The following DOCK2 variants were observed in gnomAD, a reference collection of about 807,000 sequenced individuals.
DOCK2 encodes the protein dedicator of cytokinesis protein 2.
In DOCK2, 87 loss-of-function variants were observed where a neutral mutation model predicts 248.9. The observed-to-expected ratio is 0.35, with a 90% CI of 0.29 to 0.42. The LOEUF is 0.42. Among genes scored for constraint, DOCK2 ranks in the 10% least tolerant of loss-of-function variants. The pLI, the probability that DOCK2 is intolerant of heterozygous loss-of-function variation, is 1.00. For missense variants in DOCK2, 1,747 were observed against 2,300.2 expected (o/e 0.76, Z 4.92); for synonymous variants, 805 against 821.6 (o/e 0.98, Z 0.35).
intron 26 of DOCK2, among the ~76,000 whole-genome samples, chr5:169,838,117 T>G (rs1006246045): frequency 1.4e-4 from 21 of 151,970 alleles, no homozygotes; most frequent in Non-Finnish European, 2.8e-4. Context: ...AGAGAAAAGA[T>G]CAAAAGTCAC....
intron 27 of DOCK2, among the ~76,000 whole-genome samples, chr5:169,917,224 C>A (rs560416381): frequency 6.6e-6 from 1 of 152,318 alleles, no homozygotes; most frequent in Admixed American, 6.5e-5. Context: ...GTCATTCTCA[C>A]TAGGGTTGAT....
At chr5:169,709,887 G>A (rs1761482024) in intron 15 of DOCK2, among the ~76,000 whole-genome samples, 1 of 152,198 alleles carries the variant, frequency 6.6e-6, no homozygotes, top group African/African-American at 2.4e-5. Flanking sequence ...TAAGAATGCA[G>A]AGCACGTCCC....
At chr5:169,909,289 T>A (rs1430604596) in intron 27 of DOCK2, among the ~76,000 whole-genome samples, 1 of 152,224 alleles carries the variant, frequency 6.6e-6, no homozygotes, top group Non-Finnish European at 1.5e-5. Flanking sequence ...AATAGCCCAG[T>A]GTTGCTGGTG....
rs1773032807 is a variant in DOCK2, at chr5:169,887,376, A to T, written c.2799+46524A>T. Among the ~76,000 whole-genome samples, 3 of 152,340 alleles carry T rather than the reference A, an allele frequency of 2.0e-5. No individual in the cohort carries two copies. In the South Asian group the frequency reaches 6.2e-4, roughly 32 times the overall value. The stretch of plus-strand genomic sequence containing the variant: ...CAAATAAACAACAAAAGGAAGAAAA[A>T]AATCACCTGAAATCTTACCACCCAG... On this transcript the variant is annotated intron_variant, in intron 27 of 51. Coordinates refer to ENST00000520908, the MANE Select transcript of DOCK2 (RefSeq NM_004946.3).
At chr5:169,829,811 G>A (rs544419932) in intron 26 of DOCK2, among the ~76,000 whole-genome samples, 1 of 152,240 alleles carries the variant, frequency 6.6e-6, no homozygotes, top group East Asian at 1.9e-4. Flanking sequence ...ATGAAATGGG[G>A]CCTTCAAAAG....
intron 27 of DOCK2, among the ~76,000 whole-genome samples, chr5:169,914,768 C>T (rs1000844639): frequency 1.3e-5 from 2 of 152,178 alleles, no homozygotes; most frequent in African/African-American, 4.8e-5. Flanking sequence ...CCACCTTTGC[C>T]TCAACCATGC....
At chr5:169,810,042 A>C (rs1174679974) in intron 26 of DOCK2, among the ~76,000 whole-genome samples, 2 of 152,050 alleles carry the variant, frequency 1.3e-5, no homozygotes, top group African/African-American at 4.8e-5. Flanking sequence ...CTATGAGGAG[A>C]GAGATCTTGC....
intron 27 of DOCK2, chr5:169,980,163 C>G (rs756871519): frequency 1.6e-4 from 25 of 152,294 alleles, no homozygotes; most frequent in Admixed American, 1.1e-3. Context: ...AGCTCCCAGT[C>G]TCACTGTTGA....
chr5:169,829,573 C>T (rs1040882405), intron 26 of DOCK2, among the ~76,000 whole-genome samples: 1 of 152,208 alleles, frequency 6.6e-6, no homozygotes, highest in Non-Finnish European at 1.5e-5. Flanking sequence ...TGAAAGTTTA[C>T]ACGTTAGGAC....
chr5:169,723,756 C>G (rs369370471), intron 22 of DOCK2, among the ~76,000 whole-genome samples: 91 of 152,282 alleles, frequency 6.0e-4, no homozygotes, highest in African/African-American at 2.1e-3. Context: ...CCGAGCACTG[C>G]TGATTTCTCT....
intron 22 of DOCK2, among the ~76,000 whole-genome samples, chr5:169,743,942 T>G (rs534705248): frequency 2.0e-5 from 3 of 149,808 alleles, no homozygotes; most frequent in Non-Finnish European, 4.4e-5. Flanking sequence ...TATATATATA[T>G]ATGTACTTTT....
chr5:170,065,294 G>GA (rs1757452761), intron 44 of DOCK2, among the ~76,000 whole-genome samples: 1 of 151,954 alleles, frequency 6.6e-6, no homozygotes, highest in African/African-American at 2.4e-5. Flanking sequence ...TATCACTACA[G>GA]AAAGCCATCA....
chr5:169,712,379 G>A (rs1215948525), intron 17 of DOCK2, among the ~76,000 whole-genome samples, 156 bp downstream of exon 17: 1 of 152,142 alleles, frequency 6.6e-6, no homozygotes, highest in Admixed American at 6.5e-5. Flanking sequence ...ACTTCTCTGG[G>A]CCTCTGTTTC....
At chr5:169,967,620 T>C (rs1777350327) in intron 27 of DOCK2, among the ~76,000 whole-genome samples, 1 of 152,094 alleles carries the variant, frequency 6.6e-6, no homozygotes, top group Non-Finnish European at 1.5e-5. Flanking sequence ...TCTATTTTAG[T>C]AGGATTGAGA....
chr5:169,882,648 T>C, intron 27 of DOCK2: 1 of 1,552,068 alleles, frequency 6.4e-7, no homozygotes, highest in South Asian at 1.2e-5. Flanking sequence ...CCTCCACAGA[T>C]TGCAGTCGGC....
chr5:169,848,227 A>G (rs1770429315), intron 27 of DOCK2, among the ~76,000 whole-genome samples: 1 of 152,242 alleles, frequency 6.6e-6, no homozygotes, highest in African/African-American at 2.4e-5. Flanking sequence ...GAGCCCTCAC[A>G]CACAGGTAGG....
At chr5:169,752,368 G>T (rs943376168) in intron 23 of DOCK2, among the ~76,000 whole-genome samples, 5 of 152,138 alleles carry the variant, frequency 3.3e-5, no homozygotes, top group Non-Finnish European at 7.4e-5. Context: ...AGGGGACTCT[G>T]CCATTTATAT....
intron 41 of DOCK2, among the ~76,000 whole-genome samples, chr5:170,053,328 G>T (rs1198313891): frequency 6.6e-6 from 1 of 152,216 alleles, no homozygotes; most frequent in Non-Finnish European, 1.5e-5. Flanking sequence ...AGTCTTTGTG[G>T]CCCATGCAGT....
intron 29 of DOCK2, among the ~76,000 whole-genome samples, chr5:169,993,490 T>C (rs1392096891): frequency 6.6e-6 from 1 of 152,178 alleles, no homozygotes; most frequent in Non-Finnish European, 1.5e-5. Flanking sequence ...TCAGGGGTTA[T>C]ATTAACATGC....
Sources: gnomAD v4.1 joint callset for allele counts (sites outside exome capture counted in the v4.1 genomes callset) on GRCh38, gnomAD v4.1.1 for gene constraint, MANE v1.5 for transcripts, NCBI Gene and HGNC (gene_info 2026-07-23, HGNC 2026-07-21) for gene names.